Variants in FKBP10 observed in about 807,000 individuals in gnomAD.
FKBP10 encodes peptidyl-prolyl cis-trans isomerase FKBP10.
In FKBP10, 34 loss-of-function variants were observed where a neutral mutation model predicts 53.7. That is an observed-to-expected ratio of 0.63 (90% CI 0.48 to 0.84). FKBP10 has a LOEUF of 0.84. FKBP10 is among the 40% of genes least tolerant of loss of function. The pLI is 0.00. For synonymous variants in FKBP10, 324 were observed against 335.7 expected (o/e 0.97, Z 0.38); for missense variants, 748 against 797.8 (o/e 0.94, Z 0.75).
Position 41,818,410 on chromosome 17 carries a change from T to G in FKBP10, c.610T>G (p.Tyr204Asp). The G allele has an allele frequency of 6.2e-7, 1 of 1,614,186 alleles. No homozygotes were observed. Among genetic ancestry groups the G allele is most frequent in the Non-Finnish European group, 8.5e-7 (1 of 1,180,040 alleles). Reference protein sequence around the residue: ...SYSKGGTYDTYVGSGWLIKGM... With the variant: ...SYSKGGTYDTDVGSGWLIKGM... Reference sequence around the variant, plus strand: ...CAGTAAGGGCGGCACTTATGACACCTACGTCGGCTCTGGTTGGCTGATCAA... The same window carrying G: ...CAGTAAGGGCGGCACTTATGACACCGACGTCGGCTCTGGTTGGCTGATCAA... Residue 204 changes from tyrosine to aspartate, a missense_variant, in exon 4 of 10, where the codon TAC becomes GAC. Coordinates refer to ENST00000321562, the MANE Select transcript of FKBP10 (RefSeq NM_021939.4).
rs201543846 is a variant in FKBP10, at chr17:41,813,287, C to A, written c.245+8C>A. 6.2e-7 allele frequency: 1 copy of A among 1,613,430 alleles called. No homozygotes were observed. Among genetic ancestry groups the A allele is most frequent in the African/African-American group, 1.3e-5 (1 of 75,014 alleles). On this transcript the variant is annotated splice_region_variant and intron_variant, in intron 1 of 9. Transcript: ENST00000321562. Reference sequence around the variant, plus strand: ...CAAGAAGTTTGATTCAAGGTAACCCCGGTTGGGCGCCCCCGGATTCACCAC... The same window carrying A: ...CAAGAAGTTTGATTCAAGGTAACCCAGGTTGGGCGCCCCCGGATTCACCAC...
Position 41,819,311 on chromosome 17 carries a change from C to G in FKBP10, c.829C>G (p.Pro277Ala), listed in dbSNP as rs138089753. The G allele has an allele frequency of 1.8e-4, 287 of 1,614,164 alleles. 2 individuals carry two copies. Among genetic ancestry groups the G allele is most frequent in the African/African-American group, 4.9e-4 (37 of 75,048 alleles). The change falls in exon 5 of 10, where the codon CCC becomes GCC. Residue 277 changes from proline to alanine, a missense_variant. Physicochemically the swap from Pro to Ala is conservative, Grantham distance 27. Coordinates refer to ENST00000321562, the MANE Select transcript of FKBP10 (RefSeq NM_021939.4). ...CCAGCTAGAGACGCTGGAGCTCCCCCCCGGCTGTGTCCGCAGAGCCGGGGC... is the reference window on the plus strand; with the variant it reads ...CCAGCTAGAGACGCTGGAGCTCCCCGCCGGCTGTGTCCGCAGAGCCGGGGC... ...AVQLETLELP[P>A]GCVRRAGAGD...
rs188100384 is a variant in FKBP10, at chr17:41,817,673, G to A, written c.392-416G>A. 1.1e-3 allele frequency among the ~76,000 whole-genome samples: 172 copies of A among 150,322 alleles called. 1 individual carries two copies. The highest frequency in any genetic ancestry group is 4.1e-4 in the Non-Finnish European group (28 of 67,718). On this transcript the variant is annotated intron_variant, in intron 2 of 9. Coordinates refer to ENST00000321562, the MANE Select transcript of FKBP10 (RefSeq NM_021939.4). ...AGACAGCATCTCACTCTGTTGCACAGGCTGGAGTTTAGTGGTGCGATCTCG... is the reference window on the plus strand; with the variant it reads ...AGACAGCATCTCACTCTGTTGCACAAGCTGGAGTTTAGTGGTGCGATCTCG...
At position 41,820,336 on chromosome 17, in the gene FKBP10, G is replaced by A. The variant is rs140883737; in HGVS notation, c.1131G>A (p.Ala377=). ...ATGTCATTGACTTCCACAACCCTGC[G>A]GATGTGGTGGAAATCAGGACACTGT... ...NVHVIDFHNP[A]DVVEIRTLSR... Residue 377 remains alanine (A), a synonymous_variant, in exon 7 of 10, where the codon GCG becomes GCA. Coordinates refer to ENST00000321562, the MANE Select transcript of FKBP10 (RefSeq NM_021939.4). The A allele has an allele frequency of 1.9e-5, 31 of 1,614,068 alleles. No individual in the cohort carries two copies. The highest frequency in any genetic ancestry group is 2.7e-5 in the African/African-American group (2 of 74,912).
At chr17:41,817,018 G>A (rs1555616152) in intron 1 of FKBP10, 40 bp from the exon 2 acceptor site, 3 of 1,613,646 alleles carry the variant, frequency 1.9e-6, no homozygotes, top group Admixed American at 3.3e-5. Flanking sequence ...GTGTGTGTGT[G>A]TCTGAGGTCA....
At chr17:41,819,876 C>T (rs1555616732) in intron 6 of FKBP10, 5 of 1,541,914 alleles carry the variant, frequency 3.2e-6, no homozygotes, top group East Asian at 4.9e-5. Flanking sequence ...CGCCCCACTT[C>T]GCCCCTTCCG....
chr17:41,819,702 C>A, intron 6 of FKBP10, 27 bp downstream of exon 6: 1 of 1,584,422 alleles, frequency 6.3e-7, no homozygotes, highest in Non-Finnish European at 8.6e-7. Flanking sequence ...GCCACCACCT[C>A]AGCTCCTCCT....
rs782443584 is a variant in FKBP10 at position 41,819,289 on chromosome 17, G to T, written c.807G>T (p.Gln269His). The T allele has an allele frequency of 6.2e-7, 1 of 1,614,186 alleles. No homozygotes were observed. Among genetic ancestry groups the T allele is most frequent in the Non-Finnish European group, 8.5e-7 (1 of 1,180,036 alleles). ...TGCACAACCCGAAGGACGCTGTCCA[G>T]CTAGAGACGCTGGAGCTCCCCCCCG... The part of the protein sequence containing the change: ...IDVHNPKDAV[Q>H]LETLELPPGC... Residue 269 changes from glutamine (Q) to histidine (H), a missense_variant, in exon 5 of 10, where the codon CAG becomes CAT. Transcript: ENST00000321562.
chr17:41,815,875 C>A (rs2047809461), intron 1 of FKBP10, among the ~76,000 whole-genome samples: 1 of 151,812 alleles, frequency 6.6e-6, no homozygotes, highest in Non-Finnish European at 1.5e-5. Flanking sequence ...CACAGTGGCT[C>A]ACTCCTGTAA....
chr17:41,818,393 G>A lies in FKBP10; in HGVS notation c.593G>A (p.Gly198Asp). 6.2e-7 allele frequency: 1 copy of A among 1,614,228 alleles called. No individual in the cohort carries two copies. Among genetic ancestry groups the A allele is most frequent in the Non-Finnish European group, 8.5e-7 (1 of 1,180,048 alleles). Residue 198 changes from glycine to aspartate, a missense_variant, in exon 4 of 10, where the codon GGC (glycine) becomes GAC (aspartate). Coordinates refer to ENST00000321562, the MANE Select transcript of FKBP10 (RefSeq NM_021939.4). ...CTCATTTTCTGCAGCTACAGTAAGG[G>A]CGGCACTTATGACACCTACGTCGGC... ...GTSFDTSYSK[G>D]GTYDTYVGSG...
chr17:41,821,808 T>C lies in FKBP10; in HGVS notation c.1554T>C (p.Pro518=). Reference sequence around the variant, plus strand: ...ACCTCAACAAGGATGGCGAGGTCCCTCCGGAGGAGGTGGGTGAAGGTTCAG... The same window carrying C: ...ACCTCAACAAGGATGGCGAGGTCCCCCCGGAGGAGGTGGGTGAAGGTTCAG... The part of the protein sequence containing the change: ...DMDLNKDGEV[P]PEEFSTFIKA... The change falls in exon 9 of 10, where the codon CCT becomes CCC. Residue 518 remains proline, a synonymous_variant. Transcript: ENST00000321562. 6.2e-7 allele frequency: 1 copy of C among 1,614,096 alleles called. No homozygotes were observed. Among genetic ancestry groups the C allele is most frequent in the African/African-American group, 1.3e-5 (1 of 74,994 alleles).
rs782336648 is a variant in FKBP10 at position 41,819,653 on chromosome 17, C to T, written c.1041C>T (p.Leu347=). ...ERRRITIPPH[L]AYGENGTGDK... ...GGAGAATTACCATCCCCCCGCACCT[C>T]GCCTATGGGGAGAATGGAACTGGTA... The change falls in exon 6 of 10, where the codon CTC becomes CTT. Residue 347 remains leucine (L), a synonymous_variant. Transcript: ENST00000321562. The T allele has an allele frequency of 1.9e-6, 3 of 1,608,280 alleles. No homozygotes were observed. The highest frequency in any genetic ancestry group is 1.1e-5 in the South Asian group (1 of 90,176).
Position 41,818,237 on chromosome 17 carries a change from C to A in FKBP10, c.540C>A (p.His180Gln). The change falls in exon 3 of 10, where the codon CAC becomes CAA. Residue 180 changes from histidine to glutamine, a missense_variant. Physicochemically the swap from His to Gln is conservative, Grantham distance 24. Coordinates refer to ENST00000321562, the MANE Select transcript of FKBP10 (RefSeq NM_021939.4). The part of the protein sequence containing the change: ...MVQDGDFVRY[H>Q]YNGTLLDGTS... Reference sequence around the variant, plus strand: ...AGGACGGCGACTTTGTCCGCTACCACTACAATGGCACCCTGCTGGACGGCA... The same window carrying A: ...AGGACGGCGACTTTGTCCGCTACCAATACAATGGCACCCTGCTGGACGGCA... The A allele has an allele frequency of 6.2e-7, 1 of 1,613,628 alleles. No individual in the cohort carries two copies. Among genetic ancestry groups the A allele is most frequent in the Non-Finnish European group, 8.5e-7 (1 of 1,180,022 alleles).
In FKBP10 at chr17:41,822,107, G is replaced by A. The variant is rs2047899633; in HGVS notation, c.1564-116G>A. On this transcript the variant is annotated intron_variant, in intron 9 of 9. Coordinates refer to ENST00000321562, the MANE Select transcript of FKBP10 (RefSeq NM_021939.4). Reference sequence around the variant, plus strand: ...GCCCTTCCTGAGTTACAGGGTGCGGGGGAGCCTGGGAAAAAAGAAGAAAAA... The same window carrying A: ...GCCCTTCCTGAGTTACAGGGTGCGGAGGAGCCTGGGAAAAAAGAAGAAAAA... 5.5e-6 allele frequency: 6 copies of A among 1,092,974 alleles called. No homozygotes were observed. In the South Asian group the frequency reaches 8.2e-5, roughly 15 times the overall value. 67.7% of individuals were successfully genotyped at this position (1,092,974 alleles called of 1,614,324 possible).
Position 41,820,312 on chromosome 17 carries a change from T to C in FKBP10, c.1107T>C (p.His369=). ...CTGCCGTGCTAATCTTCAACGTCCA[T>C]GTCATTGACTTCCACAACCCTGCGG... ...PGSAVLIFNV[H]VIDFHNPADV... Residue 369 remains histidine, a synonymous_variant, in exon 7 of 10, where the codon CAT becomes CAC. Transcript: ENST00000321562. 1 of 1,614,192 alleles carries C rather than the reference T, an allele frequency of 6.2e-7. No homozygotes were observed. The highest frequency in any genetic ancestry group is 2.2e-5 in the East Asian group (1 of 44,880).
Position 41,817,229 on chromosome 17 carries a change from G to C in FKBP10, c.391+26G>C, listed in dbSNP as rs1300989847. 4.4e-6 allele frequency: 7 copies of C among 1,609,050 alleles called. No individual in the cohort carries two copies. The African/African-American group carries it at 8.0e-5, about 18-fold the overall frequency. ...GTGAGAAGGGCTGGGGCACAGGCCG[G>C]GGGTGGAGGAGACCACGAGGCAGAA... On this transcript the variant is annotated intron_variant, in intron 2 of 9. Coordinates refer to ENST00000321562, the MANE Select transcript of FKBP10 (RefSeq NM_021939.4).
chr17:41,821,817 G>A lies in FKBP10; in HGVS notation c.1563G>A (p.Glu521=). Residue 521 remains glutamate, a splice_region_variant and synonymous_variant, in exon 9 of 10, where the codon GAG becomes GAA. Transcript: ENST00000321562. The part of the protein sequence containing the change: ...LNKDGEVPPE[E]FSTFIKAQVS... ...AGGATGGCGAGGTCCCTCCGGAGGA[G>A]GTGGGTGAAGGTTCAGTCCTAATAG... 1.2e-6 allele frequency: 2 copies of A among 1,614,124 alleles called. No homozygotes were observed. The highest frequency in any genetic ancestry group is 1.7e-6 in the Non-Finnish European group (2 of 1,180,018).
intron 1 of FKBP10, among the ~76,000 whole-genome samples, chr17:41,816,828 C>G (rs2047821732): frequency 6.6e-6 from 1 of 152,236 alleles, no homozygotes; most frequent in Admixed American, 6.5e-5. Context: ...AGCCCTTGTC[C>G]TCCTCAGGGA....
At chr17:41,821,174 G>T in intron 8 of FKBP10, 85 bp downstream of exon 8, 1 of 1,449,948 alleles carries the variant, frequency 6.9e-7, no homozygotes, top group Non-Finnish European at 9.2e-7. Context: ...CCAGGCTGGA[G>T]TGCAGTGGTG....
Sources: gnomAD v4.1 joint callset for allele counts (sites outside exome capture counted in the v4.1 genomes callset) on GRCh38, gnomAD v4.1.1 for gene constraint, MANE v1.5 for transcripts, NCBI Gene and HGNC (gene_info 2026-07-23, HGNC 2026-07-21) for gene names.